Variants in TEX14 observed in about 807,000 individuals in gnomAD.
TEX14 encodes the protein testis expressed 14, intercellular bridge forming factor.
Under a neutral mutation model 178.6 loss-of-function variants are expected in TEX14, and 168 were observed. The ratio of observed to expected loss-of-function variants is 0.94; its 90% CI spans 0.83 to 1.07. TEX14 has a LOEUF of 1.07. TEX14 is among the 50% of genes least tolerant of loss of function. The pLI is 0.00. For synonymous variants in TEX14, 626 were observed against 634.1 expected, an observed-to-expected ratio of 0.99 and a Z score of 0.19; for missense variants, 1,730 against 1,753.6, an observed-to-expected ratio of 0.99 and a Z score of 0.24.
intron 21 of TEX14, among the ~76,000 whole-genome samples, chr17:58,575,276 G>A (rs1044752975): frequency 2.0e-5 from 3 of 151,928 alleles, no homozygotes; most frequent in Non-Finnish European, 4.4e-5. Context: ...CACCACGCCC[G>A]GCTAATTTTC....
chr17:58,559,361 G>A lies in TEX14; in HGVS notation c.4267+92C>T, dbSNP rs935343649. 13 of 646,938 alleles carry A rather than the reference G, an allele frequency of 2.0e-5. No homozygotes were observed. In the Middle Eastern group the frequency reaches 2.7e-3, roughly 133 times the overall value. The allele number at this position is 646,938 out of a possible 1,614,324, so 40.1% of individuals were successfully genotyped here. A position where few individuals can be genotyped will look rare whatever the true frequency, so the allele number is the denominator to read the frequency against. ...AAATTATCAAAGGTAGGAGGATTAT[G>A]TATAGCATCTGGGAAACATTTCTAA... On this transcript the variant is annotated intron_variant, in intron 30 of 31. Transcript: ENST00000349033.
At position 58,577,367 on chromosome 17, in the gene TEX14, GC is replaced by G; in HGVS notation, c.3320+7del. The G allele has an allele frequency of 7.8e-7, 1 of 1,277,380 alleles. No individual in the cohort carries two copies. 79.1% of individuals were successfully genotyped at this position (1,277,380 alleles called of 1,614,324 possible). The stretch of plus-strand genomic sequence containing the variant: ...TTTGAAACTGCATAAGATAATAATA[GC>G]CCATACCTTCGTACAGGTTGAAATT... On this transcript the variant is annotated splice_region_variant and intron_variant, in intron 21 of 31. Coordinates refer to ENST00000349033, the MANE Select transcript of TEX14 (RefSeq NM_031272.5).
At chr17:58,646,903 A>T (rs1598414969) in intron 2 of TEX14, among the ~76,000 whole-genome samples, 1 of 148,810 alleles carries the variant, frequency 6.7e-6, no homozygotes, top group Non-Finnish European at 1.5e-5. Context: ...CCCCTCAAGC[A>T]CACTCTTTTT....
At position 58,659,301 on chromosome 17, in the gene TEX14, G is replaced by A. The variant is rs77158394; in HGVS notation, c.-1-7299C>T. 1,887 of 971,092 alleles carry A rather than the reference G, an allele frequency of 1.9e-3. 10 individuals are homozygous for A. The African/African-American group carries it at 0.022, about 11-fold the overall frequency. 60.2% of individuals were successfully genotyped at this position (971,092 alleles called of 1,614,324 possible). A position where few individuals can be genotyped will look rare whatever the true frequency, so the allele number is the denominator to read the frequency against. On this transcript the variant is annotated intron_variant, in intron 1 of 31. Transcript: ENST00000349033. The stretch of plus-strand genomic sequence containing the variant: ...AACAGCGTCTCTCCCCCGCCACAAA[G>A]ACATTATTTACTTAATATTGCTAAT...
rs910021305 is a variant in TEX14, at chr17:58,613,486, C to T, written c.940G>A (p.Glu314Lys). 8 of 1,613,930 alleles carry T rather than the reference C, an allele frequency of 5.0e-6. No homozygotes were observed. The African/African-American group carries it at 9.3e-5, about 19-fold the overall frequency. Residue 314 changes from glutamate to lysine, a missense_variant, in exon 9 of 32, where the codon GAG becomes AAG. Physicochemically the swap from Glu to Lys is moderately conservative, Grantham distance 56 (BLOSUM62 1). This residue lies in a region of TEX14 where 789 missense variants were observed against 681.2 expected (regional missense o/e 1.16). Coordinates refer to ENST00000349033, the MANE Select transcript of TEX14 (RefSeq NM_031272.5). ...LMAVCLSQDL[E>K]KTRLVYERIT... ...CGCTCGTACACAAGGCGGGTTTTCT[C>T]TAGGTCCTGGGAGAGACACACAGCC...
At chr17:58,660,821 C>T (rs377613067) in intron 1 of TEX14, 3 of 782,820 alleles carry the variant, frequency 3.8e-6, no homozygotes, top group African/African-American at 1.7e-5. Flanking sequence ...ACTTGGATAG[C>T]CAGCGCCAAA....
At chr17:58,627,907 TGCCAC>T (rs1281388962) in intron 3 of TEX14, among the ~76,000 whole-genome samples, 1 of 142,570 alleles carries the variant, frequency 7.0e-6, no homozygotes, top group African/African-American at 2.6e-5. Context: ...CCAGCCCCCA[TGCCAC>T]CTTTTTTTTT....
At chr17:58,681,950 T>C (rs996172113) in intron 1 of TEX14, among the ~76,000 whole-genome samples, 1 of 152,124 alleles carries the variant, frequency 6.6e-6, no homozygotes, top group African/African-American at 2.4e-5. Flanking sequence ...CACCAAACAA[T>C]TCTTACAACC....
intron 23 of TEX14, 68 bp from the exon 24 acceptor site, chr17:58,572,194 C>T: frequency 3.9e-6 from 5 of 1,275,494 alleles, no homozygotes; most frequent in Non-Finnish European, 5.5e-6. Flanking sequence ...TCCTTTTTCC[C>T]TTTGTTTTTG....
In TEX14 at chr17:58,574,181, T is replaced by C. The variant is rs2044615481; in HGVS notation, c.3383+6A>G. The C allele has an allele frequency of 6.2e-7, 1 of 1,610,188 alleles. No individual in the cohort carries two copies. Among genetic ancestry groups the C allele is most frequent in the Admixed American group, 1.7e-5 (1 of 59,994 alleles). ...CATCCCTAGGCATTCTCTTTGGTGATCATACATGTCTTTCTCTTTCAGTTC... is the reference window on the plus strand; with the variant it reads ...CATCCCTAGGCATTCTCTTTGGTGACCATACATGTCTTTCTCTTTCAGTTC... On this transcript the variant is annotated splice_donor_region_variant and intron_variant, in intron 22 of 31. Coordinates refer to ENST00000349033, the MANE Select transcript of TEX14 (RefSeq NM_031272.5).
chr17:58,578,689 G>A (rs891399913), intron 20 of TEX14, among the ~76,000 whole-genome samples: 2 of 152,150 alleles, frequency 1.3e-5, no homozygotes, highest in South Asian at 2.1e-4. Context: ...CCACATACAA[G>A]GCAGGTCCAA....
chr17:58,570,063 C>T (rs1411604304), intron 25 of TEX14, among the ~76,000 whole-genome samples: 1 of 151,636 alleles, frequency 6.6e-6, no homozygotes, highest in Non-Finnish European at 1.5e-5. Flanking sequence ...GGAAAAGCCT[C>T]AAAATATAAC....
At chr17:58,585,345 T>C (rs1301976107) in intron 18 of TEX14, among the ~76,000 whole-genome samples, 1 of 152,168 alleles carries the variant, frequency 6.6e-6, no homozygotes, top group Non-Finnish European at 1.5e-5. Flanking sequence ...TGTCTTCCCC[T>C]GGAATTCAAG....
rs2046846157 is a variant in TEX14 at position 58,651,885 on chromosome 17, C to G, written c.117G>C (p.Val39=). The G allele has an allele frequency of 1.2e-6, 2 of 1,606,398 alleles. No homozygotes were observed. The highest frequency in any genetic ancestry group is 1.3e-5 in the African/African-American group (1 of 74,428). ...EYVKQGNYVK[V]KKILKKGIYV... The stretch of plus-strand genomic sequence containing the variant: ...GCTTACCTTTCTTAAGAATTTTCTT[C>G]ACTTTCACATAGTTCCCTTGTTTGA... Residue 39 remains valine, a synonymous_variant, in exon 2 of 32, where the codon GTG becomes GTC. Transcript: ENST00000349033.
At chr17:58,599,755 T>TA in intron 13 of TEX14, 89 bp from the exon 14 acceptor site, 45 of 950,356 alleles carry the variant, frequency 4.7e-5, no homozygotes, top group Middle Eastern at 3.3e-4. Flanking sequence ...GCAAAGACTG[T>TA]CAAAAAAAAA....
chr17:58,576,408 C>T (rs1197772146), intron 21 of TEX14, among the ~76,000 whole-genome samples: 2 of 152,086 alleles, frequency 1.3e-5, no homozygotes, highest in East Asian at 1.9e-4. Flanking sequence ...CACTTGAACC[C>T]GGGAGGTGGA....
chr17:58,658,277 G>A (rs1444218538), intron 1 of TEX14, among the ~76,000 whole-genome samples: 3 of 152,028 alleles, frequency 2.0e-5, no homozygotes, highest in Admixed American at 6.6e-5. Flanking sequence ...CTAGGCAGCA[G>A]GCAAGGTGAA....
chr17:58,610,276 T>A (rs527469064), intron 10 of TEX14, among the ~76,000 whole-genome samples: 1 of 152,336 alleles, frequency 6.6e-6, no homozygotes, highest in Admixed American at 6.5e-5. Flanking sequence ...ATTAGGCTCA[T>A]CAGCACCCAT....
At chr17:58,592,916 G>A (rs890080129) in intron 15 of TEX14, among the ~76,000 whole-genome samples, 2 of 151,982 alleles carry the variant, frequency 1.3e-5, no homozygotes, top group South Asian at 2.1e-4. Flanking sequence ...ACACATGCAC[G>A]AATATATGTG....
Sources: gnomAD v4.1 joint callset for allele counts (sites outside exome capture counted in the v4.1 genomes callset) on GRCh38, gnomAD v4.1.1 for gene constraint, gnomAD v4.1.1 regional missense constraint, MANE v1.5 for transcripts, NCBI Gene and HGNC (gene_info 2026-07-23, HGNC 2026-07-21) for gene names.